The following CAMKMT variants were observed in gnomAD, a reference collection of about 807,000 sequenced individuals.
The protein encoded by CAMKMT is calmodulin-lysine N-methyltransferase.
A neutral mutation model predicts 48.0 loss-of-function variants in CAMKMT; 53 were observed. The observed-to-expected ratio is 1.10, with a 90% CI of 0.89 to 1.39. The LOEUF is 1.39. Ranked by LOEUF, CAMKMT falls within the 40% of genes most tolerant of loss-of-function variation. The probability of loss-of-function intolerance (pLI) is 0.00; values close to 1 mark genes in which losing one functional copy is unlikely to be tolerated. For missense variants in CAMKMT, 428 were observed against 402.7 expected (o/e 1.06, Z -0.54); for synonymous variants, 165 against 152.3 (o/e 1.08, Z -0.61).
chr2:44,569,090 C>G (rs1668772348), intron 3 of CAMKMT, among the ~76,000 whole-genome samples: 1 of 152,144 alleles, frequency 6.6e-6, no homozygotes, highest in Non-Finnish European at 1.5e-5. Flanking sequence ...AGTATGTGCT[C>G]TGAGAGACTC....
At chr2:44,679,838 G>A (rs1396548477) in intron 3 of CAMKMT, among the ~76,000 whole-genome samples, 2 of 152,212 alleles carry the variant, frequency 1.3e-5, no homozygotes, top group Non-Finnish European at 2.9e-5. Flanking sequence ...GACTGTGCAG[G>A]ATGATAATTG....
rs190998864 is a variant in CAMKMT, at chr2:44,511,029, C to A, written c.376+120724C>A. Among the ~76,000 whole-genome samples the A allele has an allele frequency of 3.0e-3, 450 of 151,972 alleles. 2 individuals carry two copies. The highest frequency in any genetic ancestry group is 0.01 in the African/African-American group (426 of 41,460). On this transcript the variant is annotated intron_variant, in intron 3 of 10. Transcript: ENST00000378494. ...CTCATTTTTGTATTTTTAGTAGAGA[C>A]GGGGTTTCACCATATTGGCCAGGTT...
chr2:44,471,871 G>A lies in CAMKMT; in HGVS notation c.376+81566G>A, dbSNP rs370935209. On this transcript the variant is annotated intron_variant, in intron 3 of 10. Transcript: ENST00000378494. ...AATTTTTGTATTTTTAGTAGAAATG[G>A]GGTTTCTCCACATAGAGAAGACTGG... 3.0e-4 allele frequency among the ~76,000 whole-genome samples: 45 copies of A among 152,064 alleles called. No homozygotes were observed. The East Asian group carries it at 7.0e-3, about 24-fold the overall frequency.
intron 3 of CAMKMT, among the ~76,000 whole-genome samples, chr2:44,433,877 C>T (rs1290995214): frequency 6.6e-6 from 1 of 152,038 alleles, no homozygotes; most frequent in Non-Finnish European, 1.5e-5. Context: ...TCTCACCATG[C>T]CCTTTTACAT....
At chr2:44,519,102 G>T (rs533162978) in intron 3 of CAMKMT, among the ~76,000 whole-genome samples, 1 of 152,190 alleles carries the variant, frequency 6.6e-6, no homozygotes, top group Non-Finnish European at 1.5e-5. Flanking sequence ...TAGGATAGAT[G>T]AACTCTTAAT....
intron 3 of CAMKMT, among the ~76,000 whole-genome samples, chr2:44,413,242 A>G (rs1445226651): frequency 1.3e-5 from 2 of 152,136 alleles, no homozygotes; most frequent in Non-Finnish European, 2.9e-5. Flanking sequence ...GTCACAGTGT[A>G]CATTGTTTCT....
intron 7 of CAMKMT, among the ~76,000 whole-genome samples, chr2:44,739,376 A>G (rs1282224384): frequency 6.6e-6 from 1 of 152,232 alleles, no homozygotes. Context: ...TGTGGACTGT[A>G]AAAGAAAGAG....
chr2:44,541,423 T>C (rs1667099348), intron 3 of CAMKMT, among the ~76,000 whole-genome samples: 2 of 152,214 alleles, frequency 1.3e-5, no homozygotes, highest in African/African-American at 4.8e-5. Flanking sequence ...TTTCTTTTTA[T>C]GTTTATCTAT....
intron 3 of CAMKMT, among the ~76,000 whole-genome samples, chr2:44,555,134 G>C (rs926850769): frequency 1.3e-5 from 2 of 152,174 alleles, no homozygotes; most frequent in African/African-American, 4.8e-5. Flanking sequence ...ATATTACACA[G>C]TCGTGTCTGA....
At chr2:44,498,203 T>C (rs1669848683) in intron 3 of CAMKMT, among the ~76,000 whole-genome samples, 1 of 152,170 alleles carries the variant, frequency 6.6e-6, no homozygotes, top group South Asian at 2.1e-4. Context: ...GCTTAACCTC[T>C]CTAGATAGCT....
intron 3 of CAMKMT, among the ~76,000 whole-genome samples, chr2:44,509,313 T>TTTTTG (rs746787155): frequency 3.9e-4 from 60 of 152,168 alleles, no homozygotes; most frequent in Non-Finnish European, 7.4e-4. Flanking sequence ...TTGTTTTTGT[T>TTTTTG]TTTTGTTTTG....
At chr2:44,636,469 C>G (rs774293140) in intron 3 of CAMKMT, among the ~76,000 whole-genome samples, 1 of 152,152 alleles carries the variant, frequency 6.6e-6, no homozygotes, top group Non-Finnish European at 1.5e-5. Context: ...TGTGCAAACA[C>G]TAAGGCGGTT....
Position 44,618,111 on chromosome 2 carries a change from T to C in CAMKMT, c.377-86172T>C, listed in dbSNP as rs1671990282. ...TTTCATTTAAAAGTAAAAAATGATG[T>C]TCTCTGCTTCAAGCAGCAGGTGTGT... is the stretch of plus-strand genomic sequence containing the variant. On this transcript the variant is annotated intron_variant, in intron 3 of 10. Coordinates refer to ENST00000378494, the MANE Select transcript of CAMKMT (RefSeq NM_024766.5). The surrounding 1 kb of genome is among the most constrained non-coding windows in gnomAD (Gnocchi z 4.0). Among the ~76,000 whole-genome samples, 1 of 152,218 alleles carries C rather than the reference T, an allele frequency of 6.6e-6. No individual in the cohort carries two copies. Among genetic ancestry groups the C allele is most frequent in the Non-Finnish European group, 1.5e-5 (1 of 68,036 alleles).
chr2:44,368,052 G>T lies in CAMKMT; in HGVS notation c.139-4664G>T, dbSNP rs541048287. Among the ~76,000 whole-genome samples, 14 of 152,194 alleles carry T rather than the reference G, an allele frequency of 9.2e-5. No individual in the cohort carries two copies. The East Asian group carries it at 2.7e-3, about 29-fold the overall frequency. On this transcript the variant is annotated intron_variant, in intron 1 of 10. Coordinates refer to ENST00000378494, the MANE Select transcript of CAMKMT (RefSeq NM_024766.5). ...AGTTGCATACGTTGTTTACCTAATG[G>T]GTTTAGGGACCTTAGGACTTGATGT... is the stretch of plus-strand genomic sequence containing the variant.
chr2:44,747,497 A>C (rs2104380514), intron 8 of CAMKMT, among the ~76,000 whole-genome samples: 1 of 152,326 alleles, frequency 6.6e-6, no homozygotes, highest in East Asian at 1.9e-4. Context: ...GCTCAACTAA[A>C]GGGGTAGAGC....
At chr2:44,622,266 T>C (rs1002313008) in intron 3 of CAMKMT, among the ~76,000 whole-genome samples, 2 of 152,242 alleles carry the variant, frequency 1.3e-5, no homozygotes, top group East Asian at 3.8e-4. Context: ...TTTTAGCTTT[T>C]AAAAAATCAA....
chr2:44,651,780 T>C (rs1449240343), intron 3 of CAMKMT, among the ~76,000 whole-genome samples: 1 of 152,220 alleles, frequency 6.6e-6, no homozygotes, highest in Non-Finnish European at 1.5e-5. Flanking sequence ...TATTTAAATG[T>C]ATTCAACTTA....
chr2:44,363,663 A>G (rs1454654303), intron 1 of CAMKMT, among the ~76,000 whole-genome samples: 4 of 145,554 alleles, frequency 2.7e-5, no homozygotes, highest in African/African-American at 1.0e-4. Context: ...TACAGGCATG[A>G]GCCACCGTGC....
chr2:44,677,389 A>G (rs1675766616), intron 3 of CAMKMT, among the ~76,000 whole-genome samples: 1 of 152,180 alleles, frequency 6.6e-6, no homozygotes, highest in Non-Finnish European at 1.5e-5. Flanking sequence ...TGGGTAGAAG[A>G]TTGCATTCAG....
Sources: gnomAD v4.1 joint callset for allele counts (sites outside exome capture counted in the v4.1 genomes callset) on GRCh38, gnomAD v4.1.1 for gene constraint, Gnocchi (gnomAD v3.1) non-coding constraint, MANE v1.5 for transcripts, NCBI Gene and HGNC (gene_info 2026-07-23, HGNC 2026-07-21) for gene names.